Variants in ROBO1 observed in about 807,000 individuals in gnomAD.
ROBO1 encodes the protein roundabout homolog 1.
Under a neutral mutation model 195.9 loss-of-function variants are expected in ROBO1, and 149 were observed. The ratio of observed to expected loss-of-function variants is 0.76; its 90% CI spans 0.67 to 0.87. The LOEUF (loss-of-function observed/expected upper bound fraction) is 0.87. Ranked by LOEUF, ROBO1 falls within the 40% of genes least tolerant of loss-of-function variation. ROBO1 has a pLI of 0.00. For missense variants in ROBO1, 1,933 were observed against 2,068.3 expected (o/e 0.93, Z 1.27); for synonymous variants, 816 against 733.2 (o/e 1.11, Z -1.82).
At chr3:78,678,635 ACT>A (rs1377400757) in intron 10 of ROBO1, among the ~76,000 whole-genome samples, 6 of 152,114 alleles carry the variant, frequency 3.9e-5, no homozygotes, top group African/African-American at 1.4e-4. Context: ...GAAGAAGTTG[ACT>A]CTCTGAATAG....
At chr3:78,687,817 G>C (rs1296536696) in intron 9 of ROBO1, among the ~76,000 whole-genome samples, 1 of 152,094 alleles carries the variant, frequency 6.6e-6, no homozygotes, top group African/African-American at 2.4e-5. Context: ...GTTTTCTAGA[G>C]ATGAGGTCTT....
intron 2 of ROBO1, among the ~76,000 whole-genome samples, chr3:79,264,994 G>A (rs1352003486): frequency 6.6e-6 from 1 of 151,848 alleles, no homozygotes. Flanking sequence ...AGCGGCTGGA[G>A]GAGGAGAGAA....
Position 79,661,877 on chromosome 3 carries a change from T to A in ROBO1, c.-50-71916A>T, listed in dbSNP as rs145183744. ...AGCAAATACTCCAGTCAAGAGACAA[T>A]GTGGAATGATTTTTACTGCATCTTC... On this transcript the variant is annotated intron_variant, in intron 1 of 30. Transcript: ENST00000464233. Among the ~76,000 whole-genome samples, 682 of 152,148 alleles carry A rather than the reference T, an allele frequency of 4.5e-3. 4 individuals carry two copies. Among genetic ancestry groups the A allele is most frequent in the Non-Finnish European group, 7.0e-3 (478 of 67,994 alleles).
In ROBO1 at chr3:79,661,927, CT is replaced by C. The variant is rs200727152; in HGVS notation, c.-50-71967del. ...CCATTGTACTTTGTTTATATTTTCT[CT>C]TTTTTTTTGTTTCTTTGAATGCCTA... On this transcript the variant is annotated intron_variant, in intron 1 of 30. Transcript: ENST00000464233. 2.1e-3 allele frequency among the ~76,000 whole-genome samples: 311 copies of C among 151,322 alleles called. 2 individuals are homozygous for C. Among genetic ancestry groups the C allele is most frequent in the African/African-American group, 5.5e-3 (229 of 41,306 alleles).
intron 2 of ROBO1, among the ~76,000 whole-genome samples, chr3:79,525,572 T>A (rs922555923): frequency 6.7e-4 from 99 of 147,848 alleles, no homozygotes; most frequent in African/African-American, 2.0e-3. Flanking sequence ...ATATATATTT[T>A]TTTTGGTATG....
chr3:78,789,463 G>A (rs333503), intron 4 of ROBO1, among the ~76,000 whole-genome samples: 8,241 of 152,146 alleles, frequency 0.054, 297 homozygotes, highest in Middle Eastern at 0.11. Context: ...AATGATTTGC[G>A]ACTGACATTT....
chr3:78,729,407 AG>A (rs1380421674), intron 5 of ROBO1, among the ~76,000 whole-genome samples: 1 of 151,856 alleles, frequency 6.6e-6, no homozygotes, highest in African/African-American at 2.4e-5. Context: ...AATAATAGAA[AG>A]AAGTAACACA....
intron 2 of ROBO1, among the ~76,000 whole-genome samples, chr3:79,217,542 G>A (rs1004172643): frequency 2.6e-5 from 4 of 152,002 alleles, no homozygotes; most frequent in Middle Eastern, 6.8e-3. Context: ...CAGTACACAC[G>A]CCATTTTCAT....
At chr3:79,681,482 T>C (rs1946946872) in intron 1 of ROBO1, among the ~76,000 whole-genome samples, 1 of 151,840 alleles carries the variant, frequency 6.6e-6, no homozygotes, top group Non-Finnish European at 1.5e-5. Flanking sequence ...AAGTAGGAAA[T>C]GAGTGGGGGA....
At chr3:79,544,987 T>C (rs1942210052) in intron 2 of ROBO1, among the ~76,000 whole-genome samples, 1 of 152,188 alleles carries the variant, frequency 6.6e-6, no homozygotes, top group Non-Finnish European at 1.5e-5. Flanking sequence ...TCATTCATTT[T>C]CTAACCTCTA....
At chr3:78,718,923 A>AT (rs1299344930) in intron 5 of ROBO1, among the ~76,000 whole-genome samples, 1 of 146,114 alleles carries the variant, frequency 6.8e-6, no homozygotes, top group African/African-American at 2.6e-5. Flanking sequence ...ATTCTAGCAC[A>AT]TTTTTTTCAT....
At chr3:78,966,292 C>A (rs545386675) in intron 3 of ROBO1, among the ~76,000 whole-genome samples, 1 of 152,230 alleles carries the variant, frequency 6.6e-6, no homozygotes, top group Non-Finnish European at 1.5e-5. Context: ...CATTTTCTAA[C>A]CTATGGTTAA....
intron 2 of ROBO1, among the ~76,000 whole-genome samples, chr3:79,237,438 A>G (rs1189868234): frequency 2.0e-5 from 3 of 151,462 alleles, no homozygotes; most frequent in East Asian, 1.9e-4. Context: ...CCGAGATTGC[A>G]CCACTGCACT....
chr3:79,673,828 T>C (rs1946702965), intron 1 of ROBO1, among the ~76,000 whole-genome samples: 1 of 151,980 alleles, frequency 6.6e-6, no homozygotes, highest in Non-Finnish European at 1.5e-5. Context: ...TTGCTGACCC[T>C]CTTCCACTCG....
At chr3:79,008,916 TG>T (rs2077698463) in intron 3 of ROBO1, among the ~76,000 whole-genome samples, 1 of 150,142 alleles carries the variant, frequency 6.7e-6, no homozygotes, top group Non-Finnish European at 1.5e-5. Context: ...TGTGTGTGTG[TG>T]TGTGTGTGTG....
At chr3:79,048,345 C>G (rs1231528109) in intron 3 of ROBO1, among the ~76,000 whole-genome samples, 8 of 152,070 alleles carry the variant, frequency 5.3e-5, no homozygotes, top group African/African-American at 1.9e-4. Flanking sequence ...TTTGTTCATT[C>G]TCAATAATTG....
chr3:78,806,698 C>A (rs1301213727), intron 4 of ROBO1, among the ~76,000 whole-genome samples: 1 of 152,042 alleles, frequency 6.6e-6, no homozygotes, highest in Non-Finnish European at 1.5e-5. Context: ...AGTTACAAAA[C>A]CATGTTTGCA....
At chr3:79,179,571 T>A (rs1177987913) in intron 2 of ROBO1, among the ~76,000 whole-genome samples, 4 of 152,232 alleles carry the variant, frequency 2.6e-5, no homozygotes, top group African/African-American at 9.6e-5. Flanking sequence ...TAAAAAGCCA[T>A]GTCAGTGAAT....
intron 4 of ROBO1, among the ~76,000 whole-genome samples, chr3:78,880,749 A>G (rs547690819): frequency 6.6e-6 from 1 of 152,238 alleles, no homozygotes; most frequent in South Asian, 2.1e-4. Flanking sequence ...AATAGGAGTG[A>G]CCAGTCTGCT....
Sources: gnomAD v4.1 joint callset for allele counts (sites outside exome capture counted in the v4.1 genomes callset) on GRCh38, gnomAD v4.1.1 for gene constraint, MANE v1.5 for transcripts, NCBI Gene and HGNC (gene_info 2026-07-23, HGNC 2026-07-21) for gene names.